BBS2: variants seen among roughly 807,000 people sequenced by gnomAD.
BBS2 encodes BBSome complex member BBS2.
BBS2 carries 62 observed loss-of-function variants against 83.0 expected under a neutral mutation model. The observed-to-expected ratio is 0.75, with a 90% CI of 0.61 to 0.92. The LOEUF (loss-of-function observed/expected upper bound fraction) is 0.92. Among genes scored for constraint, BBS2 ranks in the 40% least tolerant of loss-of-function variants. The pLI, the probability that BBS2 is intolerant of heterozygous loss-of-function variation, is 0.00. For missense variants in BBS2, 784 were observed against 901.0 expected (o/e 0.87, Z 1.66); for synonymous variants, 303 against 326.1 (o/e 0.93, Z 0.76).
In BBS2 at chr16:56,502,774, A is replaced by G; in HGVS notation, c.839T>C (p.Ile280Thr). 6.2e-7 allele frequency: 1 copy of G among 1,614,230 alleles called. No homozygotes were observed. The change falls in exon 8 of 17, where the codon ATC becomes ACC. Residue 280 changes from isoleucine to threonine, a missense_variant. Coordinates refer to ENST00000245157, the MANE Select transcript of BBS2 (RefSeq NM_031885.5). ...DARSDRTGEV[I>T]FKDNFSSAIA... ...TGCAGAAGAAAAATTGTCCTTAAAG[A>G]TGACCTCCCCAGTTCGGTCACTTCG...
chr16:56,470,414 C>T (rs758234350), downstream of BBS2: 16 of 1,328,722 alleles, frequency 1.2e-5, no homozygotes, highest in Middle Eastern at 5.5e-4. Flanking sequence ...ACAAAGCTAA[C>T]GATCAGCTTT....
At chr16:56,509,825 A>ACC in intron 5 of BBS2, 132 bp downstream of exon 5, 1 of 818,694 alleles carries the variant, frequency 1.2e-6, no homozygotes. Flanking sequence ...GCTCTGTCTG[A>ACC]CCCCCTCCCC....
At chr16:56,505,907 T>C (rs1344258602) in intron 7 of BBS2, 43 bp downstream of exon 7, 1 of 1,469,176 alleles carries the variant, frequency 6.8e-7, no homozygotes, top group Non-Finnish European at 9.5e-7. Flanking sequence ...CCTTGGACAA[T>C]TACTACTCTG....
chr16:56,517,460 A>T (rs141473848), intron 1 of BBS2, among the ~76,000 whole-genome samples: 22 of 152,356 alleles, frequency 1.4e-4, no homozygotes, highest in Admixed American at 2.6e-4. Flanking sequence ...ACAAATCTGC[A>T]GAGCTTGTTT....
chr16:56,519,414 TGGCTTGAATCTGGGGTC>T (rs1392732426), intron 1 of BBS2: 2 of 251,638 alleles, frequency 7.9e-6, no homozygotes, highest in Non-Finnish European at 1.5e-5. Context: ...CAGAGGCCCC[TGGCTTGAATCTGGGGTC>T]GGTTATTACT....
At chr16:56,515,028 A>G (rs1010946420) in intron 1 of BBS2, among the ~76,000 whole-genome samples, 1 of 152,204 alleles carries the variant, frequency 6.6e-6, no homozygotes, top group Non-Finnish European at 1.5e-5. Context: ...ACCACCTTCA[A>G]TGTGATTGCC....
At chr16:56,483,516 A>G (rs1035429092), downstream of BBS2, among the ~76,000 whole-genome samples, 1 of 152,214 alleles carries the variant, frequency 6.6e-6, no homozygotes, top group South Asian at 2.1e-4. Flanking sequence ...GGGTCCCTGC[A>G]TAACTATGGA....
chr16:56,514,637 G>C lies in BBS2; in HGVS notation c.161C>G (p.Ala54Gly), dbSNP rs1227592152. Residue 54 changes from alanine to glycine, a missense_variant, in exon 2 of 17, where the codon GCA becomes GGA. Transcript: ENST00000245157. Reference protein sequence around the residue: ...NPHTRNQHVSASRVFQSPLES... With the variant: ...NPHTRNQHVSGSRVFQSPLES... The stretch of plus-strand genomic sequence containing the variant: ...CAGGGGGCTCTGGAAGACCCTGGAT[G>C]CACTGACATGCTGGTTCCGTGTATG... 2 of 1,613,976 alleles carry C rather than the reference G, an allele frequency of 1.2e-6. No homozygotes were observed. The highest frequency in any genetic ancestry group is 1.7e-6 in the Non-Finnish European group (2 of 1,179,972).
chr16:56,471,866 G>A (rs1487097312), intron 17 of BBS2, among the ~76,000 whole-genome samples: 4 of 152,234 alleles, frequency 2.6e-5, no homozygotes, highest in Non-Finnish European at 5.9e-5. Context: ...AATTGATACT[G>A]GCATTTATGC....
intron 4 of BBS2, 56 bp downstream of exon 4, chr16:56,510,803 C>A: frequency 6.3e-7 from 1 of 1,587,326 alleles, no homozygotes; most frequent in South Asian, 1.1e-5. Context: ...ATGTCACTGT[C>A]ATGGCAAAAT....
At chr16:56,500,252 T>C in intron 11 of BBS2, 1 of 262,822 alleles carries the variant, frequency 3.8e-6, no homozygotes, top group Non-Finnish European at 7.4e-6. Context: ...ACTCTTGTAG[T>C]TTTAGTGGCC....
chr16:56,502,735 A>G lies in BBS2; in HGVS notation c.878T>C (p.Val293Ala), dbSNP rs370443952. The G allele has an allele frequency of 2.2e-5, 35 of 1,614,056 alleles. No homozygotes were observed. In the African/African-American group the frequency reaches 4.7e-4, roughly 22 times the overall value. ...GCCATCCATCCGGTAATCTCCCTCT[A>G]CCACACCGGCAATTGCAGAAGAAAA... ...DNFSSAIAGV[V>A]EGDYRMDGHI... Residue 293 changes from valine (V) to alanine (A), a missense_variant, in exon 8 of 17, where the codon GTA becomes GCA. By Grantham distance (64) the Val-to-Ala change is moderately conservative. Transcript: ENST00000245157.
intron 1 of BBS2, among the ~76,000 whole-genome samples, chr16:56,515,909 T>G (rs1964731347): frequency 6.6e-6 from 1 of 152,218 alleles, no homozygotes; most frequent in Non-Finnish European, 1.5e-5. Flanking sequence ...AAGAGCCTGG[T>G]GTGCTCCAGG....
intron 15 of BBS2, among the ~76,000 whole-genome samples, chr16:56,494,919 A>C (rs770664681): frequency 4.0e-5 from 6 of 150,426 alleles, no homozygotes; most frequent in Admixed American, 1.3e-4. Context: ...CCGAGATTGC[A>C]CCACTGCACT....
At chr16:56,482,964 A>G (rs1963686925), downstream of BBS2, among the ~76,000 whole-genome samples, 1 of 152,206 alleles carries the variant, frequency 6.6e-6, no homozygotes, top group African/African-American at 2.4e-5. Context: ...ACTCTCTTCT[A>G]CCGGCTCAGC....
intron 16 of BBS2, 120 bp downstream of exon 16, chr16:56,485,470 G>A: frequency 1.5e-6 from 2 of 1,326,524 alleles, no homozygotes; most frequent in Non-Finnish European, 2.2e-6. Flanking sequence ...GCCAGCTCTG[G>A]AGTGTGAAAG....
chr16:56,470,508 G>C lies in BBS2; in HGVS notation c.*188C>G, dbSNP rs1218028962. ...TCAGGTTTTATGAGAAAGCTGAGGAGAGTAAGCTTCCTGAGATATTGAAGG... is the reference window on the plus strand; with the variant it reads ...TCAGGTTTTATGAGAAAGCTGAGGACAGTAAGCTTCCTGAGATATTGAAGG... On this transcript the variant is annotated 3_prime_UTR_variant, in exon 18 of 18. Transcript: ENST00000682047. The C allele has an allele frequency of 3.1e-6, 5 of 1,612,374 alleles. No homozygotes were observed. Among genetic ancestry groups the C allele is most frequent in the Non-Finnish European group, 4.2e-6 (5 of 1,179,372 alleles).
rs1963722620 is a variant in BBS2, at chr16:56,484,548, C to T, written c.*213G>A. Reference sequence around the variant, plus strand: ...AGCATTCATCCTATTCCATAAAAACCTAGTATTATTCAGCAACAGTACTAC... The same window carrying T: ...AGCATTCATCCTATTCCATAAAAACTTAGTATTATTCAGCAACAGTACTAC... On this transcript the variant is annotated 3_prime_UTR_variant, in exon 17 of 17. Coordinates refer to ENST00000245157, the MANE Select transcript of BBS2 (RefSeq NM_031885.5). The T allele has an allele frequency of 2.0e-6, 1 of 498,770 alleles. No homozygotes were observed. Among genetic ancestry groups the T allele is most frequent in the Non-Finnish European group, 3.6e-6 (1 of 274,922 alleles). 30.9% of individuals were successfully genotyped at this position (498,770 alleles called of 1,614,324 possible). A position where few individuals can be genotyped will look rare whatever the true frequency, so the allele number is the denominator to read the frequency against.
In BBS2 at chr16:56,519,765, G is replaced by C. The variant is rs797045155; in HGVS notation, c.98C>G (p.Ala33Gly). 1 of 1,613,096 alleles carries C rather than the reference G, an allele frequency of 6.2e-7. No individual in the cohort carries two copies. The highest frequency in any genetic ancestry group is 8.5e-7 in the Non-Finnish European group (1 of 1,179,496). The change falls in exon 1 of 17, where the codon GCC (alanine) becomes GGC (glycine). Residue 33 changes from alanine (A) to glycine (G), a missense_variant. Transcript: ENST00000245157. ...RYDGTHPCLA[A>G]ATQTGKVFIH... ...GGTTACCTTGCCCGTTTGGGTGGCG[G>C]CCGCCAGGCACGGGTGAGTCCCGTC... is the stretch of plus-strand genomic sequence containing the variant.
Sources: gnomAD v4.1 joint callset for allele counts (sites outside exome capture counted in the v4.1 genomes callset) on GRCh38, gnomAD v4.1.1 for gene constraint, MANE v1.5 for transcripts, NCBI Gene and HGNC (gene_info 2026-07-23, HGNC 2026-07-21) for gene names.